SLCO2A1: variants seen among roughly 807,000 people sequenced by gnomAD.
The protein encoded by SLCO2A1 is matrin F/G 1.
A neutral mutation model predicts 71.7 loss-of-function variants in SLCO2A1; 60 were observed. The ratio of observed to expected loss-of-function variants is 0.84; its 90% confidence interval spans 0.68 to 1.04. The LOEUF is 1.04. Among genes scored for constraint, SLCO2A1 ranks in the 50% least tolerant of loss-of-function variants. SLCO2A1 has a pLI of 0.00. For missense variants in SLCO2A1, 745 were observed against 813.4 expected (o/e 0.92, Z 1.02); for synonymous variants, 308 against 326.7 (o/e 0.94, Z 0.62).
chr3:133,945,023 T>C, intron 10 of SLCO2A1, 72 bp downstream of exon 10: 1 of 1,514,472 alleles, frequency 6.6e-7, no homozygotes, highest in Non-Finnish European at 8.9e-7. Flanking sequence ...CGAGAAACAG[T>C]CTTTGAGGGC....
intron 2 of SLCO2A1, among the ~76,000 whole-genome samples, chr3:133,977,378 C>G (rs1934485018): frequency 6.6e-6 from 1 of 152,214 alleles, no homozygotes; most frequent in Non-Finnish European, 1.5e-5. Flanking sequence ...TAATCAACCT[C>G]CTGTCTTAAG....
chr3:133,999,442 T>G (rs966778311), intron 1 of SLCO2A1, among the ~76,000 whole-genome samples: 6 of 151,962 alleles, frequency 3.9e-5, no homozygotes, highest in Middle Eastern at 3.2e-3. Context: ...TATTGATTAT[T>G]ATTCTAGACC....
chr3:133,958,273 C>T (rs1933942297), intron 3 of SLCO2A1, among the ~76,000 whole-genome samples: 1 of 152,150 alleles, frequency 6.6e-6, no homozygotes, highest in African/African-American at 2.4e-5. Flanking sequence ...GAATTCGTGG[C>T]TCTCTATGTT....
At chr3:133,940,572 G>A (rs1057390683) in intron 11 of SLCO2A1, among the ~76,000 whole-genome samples, 1 of 152,152 alleles carries the variant, frequency 6.6e-6, no homozygotes, top group African/African-American at 2.4e-5. Flanking sequence ...CCTACTCTGT[G>A]CCCTCTCCTC....
chr3:134,007,996 C>G (rs1935253358), intron 1 of SLCO2A1, among the ~76,000 whole-genome samples: 1 of 152,156 alleles, frequency 6.6e-6, no homozygotes, highest in Non-Finnish European at 1.5e-5. Context: ...GTGAACCTGT[C>G]ATGTTGATGG....
At chr3:134,014,407 C>T (rs898942781) in intron 1 of SLCO2A1, among the ~76,000 whole-genome samples, 1 of 152,196 alleles carries the variant, frequency 6.6e-6, no homozygotes, top group South Asian at 2.1e-4. Flanking sequence ...CATCCTTCAA[C>T]CCCTCAGTGC....
chr3:133,945,047 C>T lies in SLCO2A1; in HGVS notation c.1461+48G>A, dbSNP rs756411877. On this transcript the variant is annotated intron_variant, in intron 10 of 13. Transcript: ENST00000310926. ...GTCTTTGAGGGCATGCGCTGAGCTC[C>T]GAGATCCTGTGGGGCTCCTCTTGCC... 2.5e-5 allele frequency: 40 copies of T among 1,572,210 alleles called. 1 individual carries two copies. In the South Asian group the frequency reaches 2.8e-4, roughly 11 times the overall value.
chr3:133,984,417 T>C (rs1285868522), intron 1 of SLCO2A1, among the ~76,000 whole-genome samples: 2 of 152,102 alleles, frequency 1.3e-5, no homozygotes, highest in Non-Finnish European at 2.9e-5. Flanking sequence ...TCTGGACCCC[T>C]TGGTTCCAGT....
At chr3:133,957,181 C>G (rs1416416365) in intron 3 of SLCO2A1, among the ~76,000 whole-genome samples, 1 of 152,210 alleles carries the variant, frequency 6.6e-6, no homozygotes, top group Non-Finnish European at 1.5e-5. Flanking sequence ...ATCTTGCTCA[C>G]TTAACACTGA....
At chr3:133,959,393 T>C (rs938056802) in intron 3 of SLCO2A1, among the ~76,000 whole-genome samples, 44 of 133,036 alleles carry the variant, frequency 3.3e-4, no homozygotes, top group Middle Eastern at 3.6e-3. Flanking sequence ...AGGATGGCTA[T>C]TACCAAAAAA....
intron 6 of SLCO2A1, chr3:133,949,277 C>T (rs770870744): frequency 8.7e-6 from 3 of 344,378 alleles, no homozygotes; most frequent in African/African-American, 2.1e-5. Flanking sequence ...CTTCCTGGAC[C>T]CCACCCCTCA....
chr3:133,944,039 ACTC>A (rs1295782219), intron 10 of SLCO2A1, among the ~76,000 whole-genome samples: 1 of 151,768 alleles, frequency 6.6e-6, no homozygotes, highest in Non-Finnish European at 1.5e-5. Flanking sequence ...TGGGTGTGAC[ACTC>A]CTCCTACAGC....
intron 1 of SLCO2A1, among the ~76,000 whole-genome samples, chr3:134,021,250 C>G (rs1309283939): frequency 6.6e-6 from 1 of 152,026 alleles, no homozygotes; most frequent in Non-Finnish European, 1.5e-5. Flanking sequence ...ACAAATAAGC[C>G]CACCCTACTA....
chr3:133,990,803 A>G (rs1398887439), intron 1 of SLCO2A1, among the ~76,000 whole-genome samples: 1 of 152,138 alleles, frequency 6.6e-6, no homozygotes, highest in African/African-American at 2.4e-5. Flanking sequence ...GCTGCTTCCC[A>G]GTGTCATCAG....
intron 3 of SLCO2A1, among the ~76,000 whole-genome samples, chr3:133,968,055 C>T (rs1934230449): frequency 7.1e-6 from 1 of 140,458 alleles, no homozygotes; most frequent in African/African-American, 2.7e-5. Context: ...TCCCCCACAC[C>T]ACCTCTTCCC....
At chr3:133,980,201 T>A (rs1934557616) in intron 1 of SLCO2A1, among the ~76,000 whole-genome samples, 1 of 152,256 alleles carries the variant, frequency 6.6e-6, no homozygotes, top group African/African-American at 2.4e-5. Flanking sequence ...TTTGAATGAA[T>A]GTTCCCATCC....
intron 1 of SLCO2A1, among the ~76,000 whole-genome samples, chr3:134,006,344 T>A (rs1194398858): frequency 2.0e-5 from 3 of 152,200 alleles, no homozygotes; most frequent in African/African-American, 4.8e-5. Context: ...GAGCCACCAC[T>A]GCCTAGCCTA....
At chr3:133,995,908 TC>T (rs1163547805) in intron 1 of SLCO2A1, among the ~76,000 whole-genome samples, 1 of 152,014 alleles carries the variant, frequency 6.6e-6, no homozygotes, top group South Asian at 2.1e-4. Flanking sequence ...TCCATTTATC[TC>T]CCCCCAAATT....
intron 1 of SLCO2A1, among the ~76,000 whole-genome samples, chr3:134,005,242 T>A (rs1399484152): frequency 6.6e-6 from 1 of 152,246 alleles, no homozygotes; most frequent in Non-Finnish European, 1.5e-5. Flanking sequence ...GCATTCTTTT[T>A]GCTTTAAACA....
Sources: allele counts gnomAD v4.1 joint callset (sites outside exome capture counted in the v4.1 genomes callset), GRCh38; gene constraint gnomAD v4.1.1; transcripts MANE v1.5; gene names NCBI Gene and HGNC (gene_info 2026-07-23, HGNC 2026-07-21).